Variants in PRR36 observed in about 807,000 individuals in gnomAD.
The protein encoded by PRR36 is proline-rich protein 36.
Under a neutral mutation model 58.6 loss-of-function variants are expected in PRR36, and 30 were observed. The observed-to-expected ratio is 0.51, with a 90% CI of 0.38 to 0.69. The LOEUF is 0.69. PRR36 is among the 30% of genes least tolerant of loss of function. The pLI, the probability that PRR36 is intolerant of heterozygous loss-of-function variation, is 0.00. For missense variants in PRR36, 1,692 were observed against 1,805.6 expected (o/e 0.94, Z 1.14); for synonymous variants, 771 against 829.3 (o/e 0.93, Z 1.21).
At position 7,868,769 on chromosome 19, in the gene PRR36, GGCAATACA is replaced by G. The variant is rs927236840; in HGVS notation, c.*256_*263del. On this transcript the variant is annotated 3_prime_UTR_variant, in exon 6 of 6. Coordinates refer to ENST00000618550, the MANE Select transcript of PRR36 (RefSeq NM_001190467.2). ...TTGCAAACTCAGGCTGTGCGGGGTG[GGCAATACA>G]CTGCACACGGGGCGGGACTCGGGGA... The G allele has an allele frequency of 1.4e-5, 6 of 420,524 alleles. No individual in the cohort carries two copies. Among genetic ancestry groups the G allele is most frequent in the African/African-American group, 1.2e-4 (6 of 48,546 alleles). The allele number at this position is 420,524 out of a possible 1,614,324, so 26.0% of individuals were successfully genotyped here.
chr19:7,873,785 C>T lies in PRR36; in HGVS notation c.-7-89G>A. On this transcript the variant is annotated intron_variant, in intron 1 of 5. Transcript: ENST00000618550. The surrounding 1 kb of genome is among the most constrained non-coding windows in gnomAD (Gnocchi z 5.0). ...ACCCTGCTACCTCACTGCCCTTTCG[C>T]AGCATCGCCACCCATGGACACTCAA... 1.5e-6 allele frequency: 2 copies of T among 1,300,198 alleles called. No homozygotes were observed. Among genetic ancestry groups the T allele is most frequent in the East Asian group, 2.5e-5 (1 of 39,330 alleles). 80.5% of individuals were successfully genotyped at this position (1,300,198 alleles called of 1,614,324 possible).
In PRR36 at chr19:7,871,826, G is replaced by C; in HGVS notation, c.1418C>G (p.Ser473Cys). 1 of 1,535,928 alleles carries C rather than the reference G, an allele frequency of 6.5e-7. No individual in the cohort carries two copies. The highest frequency in any genetic ancestry group is 8.7e-7 in the Non-Finnish European group (1 of 1,146,858). ...CAGGGGAAAAGCCGAATTCCCCAGA[G>C]ATGTTGCCGGAGAAACAGGGCCTTG... ...PLQGPVSPAT[S>C]LGNSAFPLAA... is the part of the protein sequence containing the mutation. The change falls in exon 5 of 6, where the codon TCT (serine) becomes TGT (cysteine). Residue 473 changes from serine to cysteine, a missense_variant. Physicochemically the swap from Ser to Cys is moderately radical, Grantham distance 112. Coordinates refer to ENST00000618550, the MANE Select transcript of PRR36 (RefSeq NM_001190467.2).
In PRR36 at chr19:7,873,113, G is replaced by A. The variant is rs1184639430; in HGVS notation, c.374+84C>T. On this transcript the variant is annotated intron_variant, in intron 3 of 5. Coordinates refer to ENST00000618550, the MANE Select transcript of PRR36 (RefSeq NM_001190467.2). The surrounding 1 kb of genome is among the most constrained non-coding windows in gnomAD (Gnocchi z 5.0). ...CCCAGTGACCTGCAAGTGCTCCCGC[G>A]CCCCAACTCGTGTAAAATAAAAGGT... 7.1e-7 allele frequency: 1 copy of A among 1,409,680 alleles called. No homozygotes were observed. The highest frequency in any genetic ancestry group is 2.5e-5 in the East Asian group (1 of 40,254). 87.3% of individuals were successfully genotyped at this position (1,409,680 alleles called of 1,614,324 possible). A position where few individuals can be genotyped will look rare whatever the true frequency, so the allele number is the denominator to read the frequency against.
Position 7,870,008 on chromosome 19 carries a change from C to T in PRR36, c.3236G>A (p.Arg1079His), listed in dbSNP as rs1387079271. Reference protein sequence around the residue: ...PASPTLQAPRRPPTPGPDTSV... With the variant: ...PASPTLQAPRHPPTPGPDTSV... ...GGTATCCGGACCCGGGGTCGGGGGG[C>T]GGCGTGGGGCCTGCAGGGTGGGTGA... The change falls in exon 5 of 6, where the codon CGC (arginine) becomes CAC (histidine). Residue 1079 changes from arginine to histidine, a missense_variant. By Grantham distance (29) the Arg-to-His change is conservative. This residue lies in a region of PRR36 where 485 missense variants were observed against 549.2 expected (regional missense o/e 0.88). Transcript: ENST00000618550. The T allele has an allele frequency of 5.8e-6, 8 of 1,389,636 alleles. No individual in the cohort carries two copies. In the East Asian group the frequency reaches 8.9e-5, roughly 15 times the overall value. The allele number at this position is 1,389,636 out of a possible 1,614,324, so 86.1% of individuals were successfully genotyped here. A position where few individuals can be genotyped will look rare whatever the true frequency, so the allele number is the denominator to read the frequency against.
Position 7,873,734 on chromosome 19 carries a change from C to A in PRR36, c.-7-38G>T. On this transcript the variant is annotated intron_variant, in intron 1 of 5. Transcript: ENST00000618550. This position sits in a 1 kb window ranked among gnomAD's most constrained non-coding sequence, Gnocchi z 5.0. ...ACCGGTCCGCATCCCAGGTTCTGGACAGCTACGCCGCCTCCAGAGACCTGG... is the reference window on the plus strand; with the variant it reads ...ACCGGTCCGCATCCCAGGTTCTGGAAAGCTACGCCGCCTCCAGAGACCTGG... 1 of 1,516,106 alleles carries A rather than the reference C, an allele frequency of 6.6e-7. No homozygotes were observed. Among genetic ancestry groups the A allele is most frequent in the Non-Finnish European group, 8.8e-7 (1 of 1,135,324 alleles). 93.9% of individuals were successfully genotyped at this position (1,516,106 alleles called of 1,614,324 possible).
Position 7,873,635 on chromosome 19 carries a change from C to T in PRR36, c.55G>A (p.Ala19Thr). The T allele has an allele frequency of 3.3e-6, 5 of 1,535,250 alleles. No individual in the cohort carries two copies. Among genetic ancestry groups the T allele is most frequent in the Non-Finnish European group, 4.4e-6 (5 of 1,146,712 alleles). ...GGGGTCAGAAGTCCAGGAGCGCGAG[C>T]AGCCGGCGTCCGCGCGGCGGCCCCT... is the stretch of plus-strand genomic sequence containing the variant. ...KAGAAARTPA[A>T]RAPGLLTPRP... The change falls in exon 2 of 6, where the codon GCT becomes ACT. Residue 19 changes from alanine to threonine, a missense_variant. Physicochemically the swap from Ala to Thr is moderately conservative, Grantham distance 58. This residue lies in a region of PRR36 where 975 missense variants were observed against 955.2 expected (regional missense o/e 1.02). Coordinates refer to ENST00000618550, the MANE Select transcript of PRR36 (RefSeq NM_001190467.2). The surrounding 1 kb of genome is among the most constrained non-coding windows in gnomAD (Gnocchi z 5.0).
chr19:7,873,423 G>A lies in PRR36; in HGVS notation c.267C>T (p.Asn89=). 1.3e-6 allele frequency: 2 copies of A among 1,530,496 alleles called. No homozygotes were observed. Among genetic ancestry groups the A allele is most frequent in the South Asian group, 1.2e-5 (1 of 83,536 alleles). 94.8% of individuals were successfully genotyped at this position (1,530,496 alleles called of 1,614,324 possible). A position where few individuals can be genotyped will look rare whatever the true frequency, so the allele number is the denominator to read the frequency against. The change falls in exon 2 of 6, where the codon AAC becomes AAT. Residue 89 remains asparagine, a synonymous_variant. Transcript: ENST00000618550. The surrounding 1 kb of genome is among the most constrained non-coding windows in gnomAD (Gnocchi z 5.0). Reference sequence around the variant, plus strand: ...TGAGGAAGGAGGCTGGGGTACCAGGGTTTCGGGAACTTGTCCCAGCACTCC... The same window carrying A: ...TGAGGAAGGAGGCTGGGGTACCAGGATTTCGGGAACTTGTCCCAGCACTCC... ...PTRSAGTSSR[N]PASRPPASGR... is the part of the protein sequence containing the mutation.
At position 7,872,649 on chromosome 19, in the gene PRR36, G is replaced by A. The variant is rs768711401; in HGVS notation, c.595C>T (p.Arg199Trp). ...TTCCGGGGGCCCTCTGTCGGGGGCC[G>A]TGGCCGGGCACTCGGAGCTGGCCGG... is the stretch of plus-strand genomic sequence containing the variant. ...LPRPAPSARP[R>W]PPTEGPRKSV... Residue 199 changes from arginine (R) to tryptophan (W), a missense_variant, in exon 5 of 6, where the codon CGG (arginine) becomes TGG (tryptophan). Physicochemically the swap from Arg to Trp is moderately radical, Grantham distance 101. Coordinates refer to ENST00000618550, the MANE Select transcript of PRR36 (RefSeq NM_001190467.2). The surrounding 1 kb of genome is among the most constrained non-coding windows in gnomAD (Gnocchi z 6.1). The A allele has an allele frequency of 1.4e-6, 2 of 1,474,794 alleles. No individual in the cohort carries two copies. Among genetic ancestry groups the A allele is most frequent in the South Asian group, 1.3e-5 (1 of 75,056 alleles). The allele number at this position is 1,474,794 out of a possible 1,614,324, so 91.4% of individuals were successfully genotyped here. A position where few individuals can be genotyped will look rare whatever the true frequency, so the allele number is the denominator to read the frequency against.
At position 7,869,549 on chromosome 19, in the gene PRR36, G is replaced by A. The variant is rs1046739887; in HGVS notation, c.3530-5C>T. The A allele has an allele frequency of 1.3e-6, 2 of 1,516,934 alleles. No homozygotes were observed. The highest frequency in any genetic ancestry group is 2.6e-5 in the East Asian group (1 of 37,834). 94.0% of individuals were successfully genotyped at this position (1,516,934 alleles called of 1,614,324 possible). On this transcript the variant is annotated splice_polypyrimidine_tract_variant and splice_region_variant and intron_variant, in intron 5 of 5. Coordinates refer to ENST00000618550, the MANE Select transcript of PRR36 (RefSeq NM_001190467.2). ...GAGGCCACGGCAGGGGCGCACCTGC[G>A]GGGAGAGACGCCAGGTGGGCCGTGG...
At chr19:7,869,572 T>TG in intron 5 of PRR36, 28 bp from the exon 6 acceptor site, 3 of 1,512,540 alleles carry the variant, frequency 2.0e-6, no homozygotes, top group African/African-American at 1.4e-5. Flanking sequence ...AGGTGGGCCG[T>TG]GGGGGTGATA....
In PRR36 at chr19:7,872,609, G is replaced by A. The variant is rs1477585846; in HGVS notation, c.635C>T (p.Ala212Val). 6.6e-7 allele frequency: 1 copy of A among 1,507,480 alleles called. No homozygotes were observed. The highest frequency in any genetic ancestry group is 2.2e-5 in the Admixed American group (1 of 45,894). The allele number at this position is 1,507,480 out of a possible 1,614,324, so 93.4% of individuals were successfully genotyped here. A position where few individuals can be genotyped will look rare whatever the true frequency, so the allele number is the denominator to read the frequency against. ...TEGPRKSVSS[A>V]SEHSTTEPSP... ...TGGCTCGGTGGTACTGTGCTCCGAG[G>A]CGCTGCTCACTGATTTCCGGGGGCC... Residue 212 changes from alanine to valine, a missense_variant, in exon 5 of 6, where the codon GCC (alanine) becomes GTC (valine). By Grantham distance (64) the Ala-to-Val change is moderately conservative (BLOSUM62 0). Around this residue, in one of 5 missense-constraint regions of PRR36, gnomAD observed 975 missense variants for 955.2 expected, o/e 1.02. Coordinates refer to ENST00000618550, the MANE Select transcript of PRR36 (RefSeq NM_001190467.2). The surrounding 1 kb of genome is among the most constrained non-coding windows in gnomAD (Gnocchi z 6.1).
chr19:7,869,347 G>C lies in PRR36; in HGVS notation c.3727C>G (p.Arg1243Gly). 1 of 1,428,094 alleles carries C rather than the reference G, an allele frequency of 7.0e-7. No homozygotes were observed. Among genetic ancestry groups the C allele is most frequent in the Non-Finnish European group, 9.1e-7 (1 of 1,099,976 alleles). 88.5% of individuals were successfully genotyped at this position (1,428,094 alleles called of 1,614,324 possible). Residue 1243 changes from arginine to glycine, a missense_variant, in exon 6 of 6, where the codon CGC becomes GGC. Transcript: ENST00000618550. ...GCCCCCAGTGGCAGCTCGCCCAGGC[G>C]CGCCTGCTTCGGGCTCCGCGAGGAC... is the stretch of plus-strand genomic sequence containing the variant. ...GASSRSPKQA[R>G]LGELPLGALQ...
Position 7,872,751 on chromosome 19 carries a change from A to G in PRR36, c.493T>C (p.Ser165Pro). 1 of 1,467,022 alleles carries G rather than the reference A, an allele frequency of 6.8e-7. No individual in the cohort carries two copies. The highest frequency in any genetic ancestry group is 9.0e-7 in the Non-Finnish European group (1 of 1,113,084). The allele number at this position is 1,467,022 out of a possible 1,614,324, so 90.9% of individuals were successfully genotyped here. A position where few individuals can be genotyped will look rare whatever the true frequency, so the allele number is the denominator to read the frequency against. Residue 165 changes from serine to proline, a missense_variant, in exon 5 of 6, where the codon TCC becomes CCC. Transcript: ENST00000618550. This position sits in a 1 kb window ranked among gnomAD's most constrained non-coding sequence, Gnocchi z 6.1. The part of the protein sequence containing the change: ...ALSAGARRDT[S>P]GPTPGTPSPA... ...GACGGGGTTCCTGGGGTAGGCCCGG[A>G]AGTGTCTGGAGAAAAAGTAGAAGGC...
Position 7,869,790 on chromosome 19 carries a change from C to A in PRR36, c.3454G>T (p.Ala1152Ser). 7.4e-7 allele frequency: 1 copy of A among 1,355,286 alleles called. No homozygotes were observed. Among genetic ancestry groups the A allele is most frequent in the Non-Finnish European group, 9.4e-7 (1 of 1,060,336 alleles). 84.0% of individuals were successfully genotyped at this position (1,355,286 alleles called of 1,614,324 possible). The change falls in exon 5 of 6, where the codon GCA (alanine) becomes TCA (serine). Residue 1152 changes from alanine to serine, a missense_variant. This residue lies in a region of PRR36 where 485 missense variants were observed against 549.2 expected (regional missense o/e 0.88). Transcript: ENST00000618550. ...GGAAASPPPD[A>S]ELAACHPAAW... ...GCCGGGTGGCAAGCGGCGAGCTCTG[C>A]GTCGGGGGGCGGGGAGGCTGCGGCA...
rs1568250446 is a variant in PRR36 at position 7,869,208 on chromosome 19, A to T, written c.3866T>A (p.Val1289Asp). The change falls in exon 6 of 6, where the codon GTC (valine) becomes GAC (aspartate). Residue 1289 changes from valine to aspartate, a missense_variant. By Grantham distance (152) the Val-to-Asp change is radical (BLOSUM62 -3). This residue lies in a region of PRR36 where 485 missense variants were observed against 549.2 expected (regional missense o/e 0.88). Coordinates refer to ENST00000618550, the MANE Select transcript of PRR36 (RefSeq NM_001190467.2). ...GAGTGCAGCCCGGGCGCCCCCTGTG[A>T]CGCCACCACCCTCCGCACCTCCTGG... ...GGPGGAEGGG[V>D]TGGARAALSD... 6.5e-7 allele frequency: 1 copy of T among 1,529,412 alleles called. No homozygotes were observed. The highest frequency in any genetic ancestry group is 8.7e-7 in the Non-Finnish European group (1 of 1,144,654). The allele number at this position is 1,529,412 out of a possible 1,614,324, so 94.7% of individuals were successfully genotyped here.
Position 7,873,833 on chromosome 19 carries a change from G to A in PRR36, c.-7-137C>T, listed in dbSNP as rs1980584759. The A allele has an allele frequency of 2.5e-6, 2 of 811,370 alleles. No homozygotes were observed. The highest frequency in any genetic ancestry group is 3.6e-5 in the African/African-American group (2 of 55,980). 50.3% of individuals were successfully genotyped at this position (811,370 alleles called of 1,614,324 possible). A position where few individuals can be genotyped will look rare whatever the true frequency, so the allele number is the denominator to read the frequency against. On this transcript the variant is annotated intron_variant, in intron 1 of 5. Coordinates refer to ENST00000618550, the MANE Select transcript of PRR36 (RefSeq NM_001190467.2). This position sits in a 1 kb window ranked among gnomAD's most constrained non-coding sequence, Gnocchi z 5.0. ...CAAACCTCGGCCTCGGCTTCCATCC[G>A]CTCGGCTCCCACGCACCTACACCCA...
chr19:7,870,965 A>C lies in PRR36; in HGVS notation c.2279T>G (p.Leu760Arg). 5.3e-5 allele frequency: 42 copies of C among 793,796 alleles called. No individual in the cohort carries two copies. The highest frequency in any genetic ancestry group is 3.5e-4 in the Admixed American group (2 of 5,694). 49.2% of individuals were successfully genotyped at this position (793,796 alleles called of 1,614,324 possible). A position where few individuals can be genotyped will look rare whatever the true frequency, so the allele number is the denominator to read the frequency against. ...CAGAGGAGGCGGGGCTAGAGAAGGT[A>C]GGTTCTCCAGAGGGGGTGTGGTCAG... The part of the protein sequence containing the change: ...APLTTPPLEN[L>R]PSLAPPPLQT... The change falls in exon 5 of 6, where the codon CTA becomes CGA. Residue 760 changes from leucine (L) to arginine (R), a missense_variant. Around this residue, in one of 5 missense-constraint regions of PRR36, gnomAD observed 38 missense variants for 100.7 expected, o/e 0.38. Transcript: ENST00000618550.
chr19:7,872,988 G>A lies in PRR36; in HGVS notation c.375-27C>T, dbSNP rs777472720. On this transcript the variant is annotated intron_variant, in intron 3 of 5. Coordinates refer to ENST00000618550, the MANE Select transcript of PRR36 (RefSeq NM_001190467.2). The surrounding 1 kb of genome is among the most constrained non-coding windows in gnomAD (Gnocchi z 6.1). The stretch of plus-strand genomic sequence containing the variant: ...TGGAGACAGAAGGGGCCACGCTCAG[G>A]CCTAGGTCTTTGTTTGGCTTCCCAA... 2.5e-5 allele frequency: 38 copies of A among 1,512,902 alleles called. No homozygotes were observed. Among genetic ancestry groups the A allele is most frequent in the Non-Finnish European group, 2.8e-5 (32 of 1,128,318 alleles). The allele number at this position is 1,512,902 out of a possible 1,614,324, so 93.7% of individuals were successfully genotyped here.
rs1026522821 is a variant in PRR36 at position 7,871,480 on chromosome 19, T to C, written c.1764A>G (p.Ile588Met). ...APPSLQTIPPIQVPHSLTSPS... is the reference protein window; with the variant it reads ...APPSLQTIPPMQVPHSLTSPS... ...GTGAGGTCAGAGAATGTGGGACCTG[T>C]ATTGGGGGAATGGTCTGGAGAGAGG... The change falls in exon 5 of 6, where the codon ATA becomes ATG. Residue 588 changes from isoleucine to methionine, a missense_variant. This residue lies in a region of PRR36 where 975 missense variants were observed against 955.2 expected (regional missense o/e 1.02). Transcript: ENST00000618550. The C allele has an allele frequency of 5.2e-6, 8 of 1,532,982 alleles. No homozygotes were observed. The highest frequency in any genetic ancestry group is 7.0e-6 in the Non-Finnish European group (8 of 1,146,152). The allele number at this position is 1,532,982 out of a possible 1,614,324, so 95.0% of individuals were successfully genotyped here.
Sources: gnomAD v4.1 joint callset for allele counts on GRCh38, gnomAD v4.1.1 for gene constraint, gnomAD v4.1.1 regional missense constraint, Gnocchi (gnomAD v3.1) non-coding constraint, MANE v1.5 for transcripts, NCBI Gene and HGNC (gene_info 2026-07-23, HGNC 2026-07-21) for gene names.